TTC28: variants seen among roughly 807,000 people sequenced by gnomAD.
TTC28 encodes the protein tetratricopeptide repeat protein 28.
Under a neutral mutation model 198.0 loss-of-function variants are expected in TTC28, and 61 were observed. The observed-to-expected ratio is 0.31, with a 90% CI of 0.25 to 0.38. TTC28 has a LOEUF of 0.38. Among genes scored for constraint, TTC28 ranks in the 10% least tolerant of loss-of-function variants. The pLI, the probability that TTC28 is intolerant of heterozygous loss-of-function variation, is 1.00. For missense variants in TTC28, 2,678 were observed against 3,164.0 expected, an observed-to-expected ratio of 0.85 and a Z score of 3.69; for synonymous variants, 1,171 against 1,297.8, an observed-to-expected ratio of 0.90 and a Z score of 2.10.
At chr22:28,532,488 G>A (rs1366683547) in intron 2 of TTC28, among the ~76,000 whole-genome samples, 2 of 152,168 alleles carry the variant, frequency 1.3e-5, no homozygotes, top group Admixed American at 6.5e-5. Context: ...ACAAAGAGGA[G>A]CTGGTACCAT....
intron 2 of TTC28, among the ~76,000 whole-genome samples, chr22:28,344,084 T>G (rs2045872507): frequency 6.6e-6 from 1 of 151,704 alleles, no homozygotes; most frequent in Non-Finnish European, 1.5e-5. Flanking sequence ...CCTATGCCTG[T>G]GAAACAATGT....
At chr22:28,310,816 G>A (rs2045243257) in intron 2 of TTC28, among the ~76,000 whole-genome samples, 2 of 146,480 alleles carry the variant, frequency 1.4e-5, no homozygotes, top group South Asian at 4.3e-4. Context: ...GAGTCTTGCT[G>A]TCACCCAGGC....
intron 2 of TTC28, among the ~76,000 whole-genome samples, chr22:28,325,852 G>A (rs1328070644): frequency 6.6e-6 from 1 of 152,122 alleles, no homozygotes; most frequent in Non-Finnish European, 1.5e-5. Flanking sequence ...AATACCAAGT[G>A]CTAGTGAGGA....
chr22:28,596,309 G>A (rs1289181711), intron 2 of TTC28, among the ~76,000 whole-genome samples: 2 of 152,170 alleles, frequency 1.3e-5, no homozygotes, highest in Non-Finnish European at 2.9e-5. Flanking sequence ...GCAAAGCAGT[G>A]AGTGGTAAAA....
chr22:28,061,229 C>A (rs907934342), intron 12 of TTC28, among the ~76,000 whole-genome samples: 2 of 152,158 alleles, frequency 1.3e-5, no homozygotes, highest in African/African-American at 4.8e-5. Context: ...TAATTAGATC[C>A]CATTTGTCAA....
intron 6 of TTC28, among the ~76,000 whole-genome samples, chr22:28,139,993 T>A (rs1943291993): frequency 6.6e-6 from 1 of 152,024 alleles, no homozygotes; most frequent in African/African-American, 2.4e-5. Flanking sequence ...ATGAGGAGGG[T>A]TGTCTTTCCC....
rs695555 is a variant in TTC28, at chr22:28,418,670, C to G, written c.382-112027G>C. Among the ~76,000 whole-genome samples the G allele has an allele frequency of 8.6e-3, 1,310 of 152,262 alleles. 32 individuals carry two copies. Among genetic ancestry groups the G allele is most frequent in the East Asian group, 0.084 (436 of 5,180 alleles). ...TTAAAGGAATTTATTGTGTAGTACT[C>G]TCCAATATAACCTTGAGATTTTTTT... is the stretch of plus-strand genomic sequence containing the variant. On this transcript the variant is annotated intron_variant, in intron 2 of 22. Coordinates refer to ENST00000397906, the MANE Select transcript of TTC28 (RefSeq NM_001145418.2).
At chr22:28,235,974 T>A (rs530543598) in intron 5 of TTC28, among the ~76,000 whole-genome samples, 4 of 152,222 alleles carry the variant, frequency 2.6e-5, no homozygotes, top group South Asian at 4.1e-4. Flanking sequence ...TTTCTAAGAG[T>A]CTTCATTGAC....
At chr22:28,290,789 G>A (rs937631534) in intron 5 of TTC28, among the ~76,000 whole-genome samples, 1 of 151,926 alleles carries the variant, frequency 6.6e-6, no homozygotes, top group Non-Finnish European at 1.5e-5. Flanking sequence ...GCATGCACCC[G>A]TAGTCTCAGC....
chr22:28,264,729 A>C (rs535234445), intron 5 of TTC28, among the ~76,000 whole-genome samples: 1 of 152,306 alleles, frequency 6.6e-6, no homozygotes, highest in African/African-American at 2.4e-5. Context: ...TGGAGCATCA[A>C]GGGAGTCAGA....
chr22:28,501,693 A>G (rs890044891), intron 2 of TTC28, among the ~76,000 whole-genome samples: 4 of 152,308 alleles, frequency 2.6e-5, no homozygotes, highest in African/African-American at 9.6e-5. Context: ...TATCAATGCA[A>G]TTTTTAAAAT....
chr22:28,447,722 T>C (rs1432179582), intron 2 of TTC28, among the ~76,000 whole-genome samples: 1 of 152,220 alleles, frequency 6.6e-6, no homozygotes, highest in Non-Finnish European at 1.5e-5. Context: ...CAGTAAACTG[T>C]ATCAAGAAGG....
chr22:28,296,298 C>T lies in TTC28; in HGVS notation c.833G>A (p.Gly278Glu). The T allele has an allele frequency of 6.5e-7, 1 of 1,548,496 alleles. No homozygotes were observed. Among genetic ancestry groups the T allele is most frequent in the Non-Finnish European group, 8.7e-7 (1 of 1,145,544 alleles). Residue 278 changes from glycine to glutamate, a missense_variant, in exon 5 of 23, where the codon GGG (glycine) becomes GAG (glutamate). By Grantham distance (98) the Gly-to-Glu change is moderately conservative (BLOSUM62 -2). Transcript: ENST00000397906. ...GDQTGECRAHGNLGSAFFSKG... is the reference protein window; with the variant it reads ...GDQTGECRAHENLGSAFFSKG... Reference sequence around the variant, plus strand: ...GGAGAAGAATGCAGAGCCCAGATTCCCATGAGCTCGGCATTCTCCTGTCTG... The same window carrying T: ...GGAGAAGAATGCAGAGCCCAGATTCTCATGAGCTCGGCATTCTCCTGTCTG...
chr22:28,444,813 AT>A (rs1394200078), intron 2 of TTC28, among the ~76,000 whole-genome samples: 1 of 152,120 alleles, frequency 6.6e-6, no homozygotes, highest in Non-Finnish European at 1.5e-5. Context: ...AGCACCTATT[AT>A]TTCACTGCCA....
intron 13 of TTC28, among the ~76,000 whole-genome samples, chr22:28,029,700 T>G (rs1938994435): frequency 6.6e-6 from 1 of 152,202 alleles, no homozygotes; most frequent in Admixed American, 6.5e-5. Flanking sequence ...AAGGCCTATT[T>G]GGTCAAGTGA....
intron 2 of TTC28, among the ~76,000 whole-genome samples, chr22:28,451,404 AT>A (rs769864654): frequency 3.3e-5 from 5 of 152,218 alleles, no homozygotes; most frequent in Non-Finnish European, 7.3e-5. Flanking sequence ...CCAGCACTCA[AT>A]GAAAATGTCC....
At chr22:28,271,216 C>A (rs1341135123) in intron 5 of TTC28, among the ~76,000 whole-genome samples, 1 of 151,744 alleles carries the variant, frequency 6.6e-6, no homozygotes, top group African/African-American at 2.4e-5. Context: ...GGATTATAGG[C>A]ATGCACCACT....
intron 2 of TTC28, among the ~76,000 whole-genome samples, chr22:28,560,904 C>T (rs974851622): frequency 6.6e-6 from 1 of 151,494 alleles, no homozygotes; most frequent in African/African-American, 2.4e-5. Context: ...CAACAGGCAC[C>T]CGCCACCATG....
At chr22:28,032,873 G>C (rs950359878) in intron 12 of TTC28, among the ~76,000 whole-genome samples, 75 of 152,300 alleles carry the variant, frequency 4.9e-4, no homozygotes, top group African/African-American at 1.7e-3. Flanking sequence ...AAATCACCAA[G>C]CTCCCATCAT....
Sources: allele counts gnomAD v4.1 joint callset (sites outside exome capture counted in the v4.1 genomes callset), GRCh38; gene constraint gnomAD v4.1.1; transcripts MANE v1.5; gene names NCBI Gene and HGNC (gene_info 2026-07-23, HGNC 2026-07-21).